Variants in OSMR observed in about 807,000 individuals in gnomAD.
OSMR encodes oncostatin M receptor.
A neutral mutation model predicts 99.9 loss-of-function variants in OSMR; 81 were observed. The ratio of observed to expected loss-of-function variants is 0.81; its 90% confidence interval spans 0.68 to 0.97. The LOEUF (loss-of-function observed/expected upper bound fraction) is 0.97. Among genes scored for constraint, OSMR ranks in the 50% least tolerant of loss-of-function variants. The pLI, the probability that OSMR is intolerant of heterozygous loss-of-function variation, is 0.00. For synonymous variants in OSMR, 406 were observed against 410.4 expected (o/e 0.99, Z 0.13); for missense variants, 1,099 against 1,153.4 (o/e 0.95, Z 0.68).
intron 2 of OSMR, among the ~76,000 whole-genome samples, chr5:38,872,763 CTTTA>C (rs900986974): frequency 4.6e-5 from 7 of 151,960 alleles, no homozygotes; most frequent in African/African-American, 1.7e-4. Context: ...TTTTACTTCC[CTTTA>C]TTTGTTTAAA....
rs535922022 is a variant in OSMR, at chr5:38,919,375, A to C, written c.1585+313A>C. 32 of 1,335,730 alleles carry C rather than the reference A, an allele frequency of 2.4e-5. No individual in the cohort carries two copies. In the South Asian group the frequency reaches 3.7e-4, roughly 16 times the overall value. 82.7% of individuals were successfully genotyped at this position (1,335,730 alleles called of 1,614,324 possible). On this transcript the variant is annotated intron_variant, in intron 11 of 17. Coordinates refer to ENST00000274276, the MANE Select transcript of OSMR (RefSeq NM_003999.3). Reference sequence around the variant, plus strand: ...ACAAACAGTCACCACTGAGAGTTGGAGTTACTATTTATGATCTTTGTGGCT... The same window carrying C: ...ACAAACAGTCACCACTGAGAGTTGGCGTTACTATTTATGATCTTTGTGGCT...
intron 7 of OSMR, among the ~76,000 whole-genome samples, chr5:38,889,069 A>T (rs1038848611): frequency 1.4e-4 from 22 of 152,014 alleles, no homozygotes; most frequent in African/African-American, 4.8e-4. Flanking sequence ...CCCCATTAGA[A>T]GTCACTTGGT....
intron 9 of OSMR, among the ~76,000 whole-genome samples, chr5:38,908,299 T>C (rs1025822382): frequency 1.3e-5 from 2 of 152,214 alleles, no homozygotes; most frequent in Non-Finnish European, 2.9e-5. Flanking sequence ...CCAGTACCAG[T>C]GCCAGCACTG....
intron 13 of OSMR, among the ~76,000 whole-genome samples, 166 bp downstream of exon 13, chr5:38,923,420 A>G (rs1746326591): frequency 6.6e-6 from 1 of 152,162 alleles, no homozygotes; most frequent in South Asian, 2.1e-4. Context: ...TACAAACAAA[A>G]CATTTTCATT....
At position 38,923,206 on chromosome 5, in the gene OSMR, AG is replaced by A. The variant is rs1015239279; in HGVS notation, c.1824del (p.Ile609LeufsTer5). The A allele has an allele frequency of 1.2e-6, 2 of 1,613,098 alleles. No individual in the cohort carries two copies. Among genetic ancestry groups the A allele is most frequent in the African/African-American group, 2.7e-5 (2 of 74,922 alleles). ...DFRIYGLSTK[R>X]IACLLEKKTG... ...CAGAATTTATGGGTTATCTACAAAA[AG>A]GATTGCTTGTTTATTAGAGAAAAAA... On this transcript the variant is annotated frameshift_variant, in exon 13 of 18. Transcript: ENST00000274276. LOFTEE classifies it high-confidence loss of function.
chr5:38,942,920 C>G (rs760453908), intron 1 of OSMR: 1 of 1,607,386 alleles, frequency 6.2e-7, no homozygotes. Flanking sequence ...AATGGGAAAC[C>G]TCAGAGTAAA....
At chr5:38,901,356 C>A (rs1744877220) in intron 7 of OSMR, among the ~76,000 whole-genome samples, 4 of 152,194 alleles carry the variant, frequency 2.6e-5, no homozygotes, top group Admixed American at 2.0e-4. Flanking sequence ...ATACATGGAA[C>A]CTACTGGTCC....
intron 1 of OSMR, among the ~76,000 whole-genome samples, chr5:38,856,772 A>G (rs929635290): frequency 6.6e-6 from 1 of 152,032 alleles, no homozygotes; most frequent in Admixed American, 6.6e-5. Context: ...CTCCCTTGAA[A>G]CTGGGACTAG....
At chr5:38,876,068 T>A in intron 2 of OSMR, 133 bp from the exon 3 acceptor site, 1 of 1,319,380 alleles carries the variant, frequency 7.6e-7, no homozygotes, top group Non-Finnish European at 1.0e-6. Flanking sequence ...TTCCAAGGTG[T>A]CTGATTCTAG....
chr5:38,941,498 G>C, intron 1 of OSMR: 1 of 231,548 alleles, frequency 4.3e-6, no homozygotes, highest in Non-Finnish European at 8.6e-6. Flanking sequence ...GAAAGTTGAT[G>C]AAAGTGGAAG....
chr5:38,940,892 A>C (rs1264288949), intron 1 of OSMR: 1 of 232,274 alleles, frequency 4.3e-6, no homozygotes, highest in Non-Finnish European at 8.5e-6. Context: ...TGTTGCTATG[A>C]CTGTGTCAAA....
chr5:38,887,555 G>A (rs1413994900), intron 7 of OSMR, among the ~76,000 whole-genome samples: 2 of 152,142 alleles, frequency 1.3e-5, no homozygotes, highest in East Asian at 1.9e-4. Flanking sequence ...TGGTTGGTCT[G>A]TTTATTCCTG....
chr5:38,866,023 G>A (rs1031885508), intron 1 of OSMR, among the ~76,000 whole-genome samples: 1 of 152,134 alleles, frequency 6.6e-6, no homozygotes, highest in Non-Finnish European at 1.5e-5. Context: ...TGTTAGACTG[G>A]GCATGTTAAT....
downstream of OSMR, among the ~76,000 whole-genome samples, chr5:38,936,239 C>A (rs1199232284): frequency 6.6e-6 from 1 of 152,050 alleles, no homozygotes; most frequent in Non-Finnish European, 1.5e-5. Context: ...GCTTTCTCCT[C>A]ACATTGTTTT....
At position 38,917,532 on chromosome 5, in the gene OSMR, T is replaced by C; in HGVS notation, c.1286-14T>C. 1 of 1,612,574 alleles carries C rather than the reference T, an allele frequency of 6.2e-7. No homozygotes were observed. Among genetic ancestry groups the C allele is most frequent in the Middle Eastern group, 1.7e-4 (1 of 6,040 alleles). ...CATATTGTGACTCAAGAACTTTTCT[T>C]TGGTTAATTTCAGCTCCCTCAGAGG... On this transcript the variant is annotated splice_polypyrimidine_tract_variant and intron_variant, in intron 9 of 17. Transcript: ENST00000274276.
intron 14 of OSMR, 21 bp downstream of exon 14, chr5:38,924,616 GTTTA>G (rs1350256838): frequency 1.2e-5 from 18 of 1,547,202 alleles, no homozygotes; most frequent in African/African-American, 1.4e-5. Flanking sequence ...TTTTTAATTT[GTTTA>G]TTTATTCTTT....
chr5:38,945,090 T>C (rs1478269887), exon 3 of OSMR: 1 of 1,544,736 alleles, frequency 6.5e-7, no homozygotes, highest in Non-Finnish European at 8.9e-7. Context: ...AATAATTATT[T>C]CAATTAAAGC....
At chr5:38,900,979 A>T (rs1744852841) in intron 7 of OSMR, among the ~76,000 whole-genome samples, 1 of 152,218 alleles carries the variant, frequency 6.6e-6, no homozygotes. Context: ...CTTGTCCCAC[A>T]CAGAGGATTC....
At chr5:38,942,716 A>G (rs1327592335) in intron 1 of OSMR, 6 of 811,854 alleles carry the variant, frequency 7.4e-6, no homozygotes, top group Middle Eastern at 3.7e-4. Flanking sequence ...CTGACCCCAC[A>G]AAGTGCTGGG....
Sources: allele counts gnomAD v4.1 joint callset (sites outside exome capture counted in the v4.1 genomes callset), GRCh38; gene constraint gnomAD v4.1.1; transcripts MANE v1.5; gene names NCBI Gene and HGNC (gene_info 2026-07-23, HGNC 2026-07-21).